Variants in EFR3B observed in about 807,000 individuals in gnomAD.
The protein encoded by EFR3B is EFR3 homolog B.
A neutral mutation model predicts 104.7 loss-of-function variants in EFR3B; 64 were observed. The ratio of observed to expected loss-of-function variants is 0.61; its 90% CI spans 0.50 to 0.75. The LOEUF (loss-of-function observed/expected upper bound fraction) is 0.75. Ranked by LOEUF, EFR3B falls within the 30% of genes least tolerant of loss-of-function variation. The pLI is 0.00. For synonymous variants in EFR3B, 385 were observed against 417.9 expected (o/e 0.92, Z 0.96); for missense variants, 750 against 1,078.5 (o/e 0.70, Z 4.27).
rs568518899 is a variant in EFR3B, at chr2:25,115,642, T to C, written c.364-6031T>C. On this transcript the variant is annotated intron_variant, in intron 4 of 22. Transcript: ENST00000403714. ...TGATTAAATTAAGGACTAACTTAAT[T>C]TGAGATTGGGAGATTATCTTGGATT... Among the ~76,000 whole-genome samples the C allele has an allele frequency of 1.3e-3, 205 of 152,308 alleles. 1 individual carries two copies. Among genetic ancestry groups the C allele is most frequent in the African/African-American group, 4.7e-3 (194 of 41,566 alleles).
intron 1 of EFR3B, among the ~76,000 whole-genome samples, chr2:25,072,970 G>A (rs550636836): frequency 2.7e-4 from 41 of 151,746 alleles, no homozygotes; most frequent in Non-Finnish European, 5.3e-4. Flanking sequence ...TGTAATGTCT[G>A]CACACTCTTT....
At chr2:25,095,434 G>A (rs1341122552) in intron 3 of EFR3B, among the ~76,000 whole-genome samples, 4 of 152,186 alleles carry the variant, frequency 2.6e-5, no homozygotes, top group African/African-American at 9.6e-5. Flanking sequence ...GGTGGCTCAT[G>A]CCTGTAATCC....
intron 3 of EFR3B, among the ~76,000 whole-genome samples, chr2:25,097,845 G>T (rs1056640444): frequency 5.9e-5 from 9 of 152,178 alleles, no homozygotes; most frequent in African/African-American, 2.2e-4. Flanking sequence ...TCGCTCAGTC[G>T]ACAGTGACCC....
chr2:25,150,309 A>AG (rs70947869), intron 20 of EFR3B, among the ~76,000 whole-genome samples: 1 of 151,904 alleles, frequency 6.6e-6, no homozygotes, highest in Non-Finnish European at 1.5e-5. Flanking sequence ...TCAAAAAAAA[A>AG]AAAAAAAAAA....
chr2:25,157,959 AGAG>A lies in EFR3B; in HGVS notation c.*3624_*3626del, dbSNP rs1671219686. On this transcript the variant is annotated 3_prime_UTR_variant, in exon 23 of 23. Transcript: ENST00000403714. Reference sequence around the variant, plus strand: ...CAGATATCAATGGATGAGCAGGAAAAGAGGAGGCCTGGACTCACTGAAGTACTT... The same window carrying A: ...CAGATATCAATGGATGAGCAGGAAAAGAGGCCTGGACTCACTGAAGTACTT... 1 of 152,350 alleles carries A rather than the reference AGAG, an allele frequency of 6.6e-6. No homozygotes were observed. The highest frequency in any genetic ancestry group is 6.5e-5 in the Admixed American group (1 of 15,284). The allele number at this position is 152,350 out of a possible 1,614,324, so 9.4% of individuals were successfully genotyped here. A position where few individuals can be genotyped will look rare whatever the true frequency, so the allele number is the denominator to read the frequency against.
At chr2:25,133,642 G>A (rs1342272538) in intron 12 of EFR3B, among the ~76,000 whole-genome samples, 2 of 152,216 alleles carry the variant, frequency 1.3e-5, no homozygotes, top group Non-Finnish European at 1.5e-5. Flanking sequence ...CAGCAAATGG[G>A]GAACCTGTTT....
At chr2:25,133,139 TCAG>T in intron 11 of EFR3B, 125 bp downstream of exon 11, 1 of 978,576 alleles carries the variant, frequency 1.0e-6, no homozygotes. Flanking sequence ...CCCAAATCCC[TCAG>T]CAGCCTTTAA....
chr2:25,090,527 A>G (rs753873975), intron 1 of EFR3B, among the ~76,000 whole-genome samples: 1 of 152,210 alleles, frequency 6.6e-6, no homozygotes, highest in Non-Finnish European at 1.5e-5. Flanking sequence ...TTACACAAAC[A>G]TACCACAGGG....
rs567176350 is a variant in EFR3B, at chr2:25,123,718, A to G, written c.485+1924A>G. Among the ~76,000 whole-genome samples, 9 of 152,372 alleles carry G rather than the reference A, an allele frequency of 5.9e-5. No individual in the cohort carries two copies. The South Asian group carries it at 1.2e-3, about 21-fold the overall frequency. ...CCATGGCCACATATGTCTGTAACAC[A>G]TGCTGCCCACGCAGGCCCTGCCAAG... On this transcript the variant is annotated intron_variant, in intron 5 of 22. Transcript: ENST00000403714.
At chr2:25,117,408 C>T (rs562232723) in intron 4 of EFR3B, among the ~76,000 whole-genome samples, 1 of 151,194 alleles carries the variant, frequency 6.6e-6, no homozygotes, top group South Asian at 2.1e-4. Flanking sequence ...CTGTCCCCCA[C>T]CCTCTTTTTT....
chr2:25,127,935 C>T (rs1170841389), intron 5 of EFR3B, among the ~76,000 whole-genome samples: 2 of 152,210 alleles, frequency 1.3e-5, no homozygotes, highest in Non-Finnish European at 2.9e-5. Context: ...CACCCTAGGG[C>T]TGGAGCCCAG....
Position 25,136,757 on chromosome 2 carries a change from G to T in EFR3B, c.1560+159G>T, listed in dbSNP as rs138641437. On this transcript the variant is annotated intron_variant, in intron 14 of 22. Coordinates refer to ENST00000403714, the MANE Select transcript of EFR3B (RefSeq NM_014971.2). The surrounding 1 kb of genome is among the most constrained non-coding windows in gnomAD (Gnocchi z 4.0). ...ATGGTAAAATCCCATCTTTACTAAA[G>T]CTACAAAAATTAACCGGGCATGGTG... Among the ~76,000 whole-genome samples, 719 of 152,148 alleles carry T rather than the reference G, an allele frequency of 4.7e-3. 1 individual carries two copies. The highest frequency in any genetic ancestry group is 0.017 in the Middle Eastern group (5 of 294).
chr2:25,132,161 C>T (rs1202480304), intron 10 of EFR3B, among the ~76,000 whole-genome samples: 1 of 152,226 alleles, frequency 6.6e-6, no homozygotes, highest in Non-Finnish European at 1.5e-5. Context: ...CCAGCACCCA[C>T]ATGCTATTCA....
At chr2:25,141,536 T>A in intron 17 of EFR3B, 103 bp downstream of exon 17, 3 of 1,242,902 alleles carry the variant, frequency 2.4e-6, no homozygotes, top group Middle Eastern at 2.0e-4. Flanking sequence ...GGCTCAGACT[T>A]CTGTGGACTC....
intron 5 of EFR3B, among the ~76,000 whole-genome samples, chr2:25,125,759 T>G (rs374610415): frequency 6.6e-6 from 1 of 152,104 alleles, no homozygotes; most frequent in Non-Finnish European, 1.5e-5. Context: ...CCATCCTGGC[T>G]AACACGGTGA....
Position 25,149,762 on chromosome 2 carries a change from C to T in EFR3B, c.2191+20C>T. 3 of 1,551,154 alleles carry T rather than the reference C, an allele frequency of 1.9e-6. No homozygotes were observed. Among genetic ancestry groups the T allele is most frequent in the Non-Finnish European group, 2.6e-6 (3 of 1,146,540 alleles). The stretch of plus-strand genomic sequence containing the variant: ...CCATTGGTAAGTCAGGGCAAAGGGA[C>T]TCTGGTTAGAGGGCAAAATGGGGTG... On this transcript the variant is annotated intron_variant, in intron 20 of 22. Transcript: ENST00000403714.
At chr2:25,129,609 C>T (rs866151572) in intron 6 of EFR3B, among the ~76,000 whole-genome samples, 1 of 152,022 alleles carries the variant, frequency 6.6e-6, no homozygotes, top group African/African-American at 2.4e-5. Flanking sequence ...CCTCCCTTTC[C>T]TATCTTCATC....
chr2:25,149,993 G>T (rs959876853), intron 20 of EFR3B, among the ~76,000 whole-genome samples: 2 of 152,184 alleles, frequency 1.3e-5, no homozygotes, highest in African/African-American at 4.8e-5. Flanking sequence ...TGCCAGTAAA[G>T]ACAGCTGCCT....
chr2:25,082,925 A>T (rs929638256), intron 1 of EFR3B, among the ~76,000 whole-genome samples: 1 of 152,212 alleles, frequency 6.6e-6, no homozygotes, highest in African/African-American at 2.4e-5. Flanking sequence ...GACCTTAGGG[A>T]CATGAGAGTG....
Sources: gnomAD v4.1 joint callset for allele counts (sites outside exome capture counted in the v4.1 genomes callset) on GRCh38, gnomAD v4.1.1 for gene constraint, Gnocchi (gnomAD v3.1) non-coding constraint, MANE v1.5 for transcripts, NCBI Gene and HGNC (gene_info 2026-07-23, HGNC 2026-07-21) for gene names.